The following PRPF18 variants were observed in gnomAD, a reference collection of about 807,000 sequenced individuals.
The protein encoded by PRPF18 is pre-mRNA-splicing factor 18.
A neutral mutation model predicts 46.5 loss-of-function variants in PRPF18; 38 were observed. The ratio of observed to expected loss-of-function variants is 0.82; its 90% confidence interval spans 0.63 to 1.07. The LOEUF is 1.07. PRPF18 is among the 50% of genes least tolerant of loss of function. PRPF18 has a pLI of 0.00. For synonymous variants in PRPF18, 152 were observed against 146.7 expected, an observed-to-expected ratio of 1.04 and a Z score of -0.26; for missense variants, 263 against 410.0, an observed-to-expected ratio of 0.64 and a Z score of 3.10.
chr10:13,646,968 C>T, the PRPF18 span: 1,062 of 984,208 alleles, frequency 1.1e-3, 7 homozygotes, highest in African/African-American at 0.017. Flanking sequence ...TTTTCCTGCC[C>T]GTACCACTGG....
At chr10:13,597,608 A>G (rs780392234) in intron 2 of PRPF18, 73 bp downstream of exon 2, 42 of 1,601,432 alleles carry the variant, frequency 2.6e-5, no homozygotes, top group Non-Finnish European at 3.4e-5. Flanking sequence ...TTAAATGACA[A>G]TCATTGATCT....
At chr10:13,587,745 G>T (rs918335849) in intron 1 of PRPF18, among the ~76,000 whole-genome samples, 2 of 152,230 alleles carry the variant, frequency 1.3e-5, no homozygotes, top group African/African-American at 4.8e-5. Flanking sequence ...GCCTCGAGCC[G>T]CTTGCTCGGG....
chr10:13,615,270 G>T (rs2080323286), intron 8 of PRPF18, among the ~76,000 whole-genome samples: 1 of 152,172 alleles, frequency 6.6e-6, no homozygotes, highest in Non-Finnish European at 1.5e-5. Context: ...TCACATATCA[G>T]AACTAAGTGC....
At chr10:13,591,575 T>G (rs2079961891) in intron 1 of PRPF18, 1 of 705,564 alleles carries the variant, frequency 1.4e-6, no homozygotes, top group East Asian at 2.6e-5. Flanking sequence ...CACAGCTTTC[T>G]GATCAATCTT....
At chr10:13,632,618 T>C (rs1391423514), downstream of PRPF18, 1 of 152,148 alleles carries the variant, frequency 6.6e-6, no homozygotes, top group East Asian at 1.9e-4. Context: ...CTAAAATTGG[T>C]CAGTGTGGTA....
At chr10:13,611,717 T>A in intron 6 of PRPF18, 34 bp downstream of exon 6, 1 of 1,563,938 alleles carries the variant, frequency 6.4e-7, no homozygotes, top group Non-Finnish European at 8.8e-7. Context: ...GAGGATGCCT[T>A]GGATCCTTAT....
At chr10:13,621,671 T>C (rs2080422348) in intron 9 of PRPF18, among the ~76,000 whole-genome samples, 2 of 152,256 alleles carry the variant, frequency 1.3e-5, no homozygotes, top group South Asian at 2.1e-4. Flanking sequence ...TATGTATAGA[T>C]GAATTGATCT....
chr10:13,619,377 CA>C (rs1357191859), intron 9 of PRPF18, among the ~76,000 whole-genome samples: 1 of 152,164 alleles, frequency 6.6e-6, no homozygotes, highest in Non-Finnish European at 1.5e-5. Context: ...CAAGAAGTTG[CA>C]AAAAATAGTA....
At chr10:13,638,875 A>G in the PRPF18 span, 1 of 118,620 alleles carries the variant, frequency 8.4e-6, no homozygotes, top group Non-Finnish European at 1.9e-5. Context: ...AAAATTAACC[A>G]TCACAGCTGC....
At chr10:13,635,703 A>G (rs888070392), downstream of PRPF18, among the ~76,000 whole-genome samples, 1 of 152,100 alleles carries the variant, frequency 6.6e-6, no homozygotes, top group Admixed American at 6.5e-5. Flanking sequence ...TTCTTTTGTG[A>G]AGTGTCTGTT....
the PRPF18 span, among the ~76,000 whole-genome samples, chr10:13,650,842 CCCT>C: frequency 3.9e-5 from 6 of 152,296 alleles, no homozygotes; most frequent in African/African-American, 1.4e-4. Context: ...TGTCTAAGCC[CCCT>C]CCTCCCACGG....
intron 9 of PRPF18, among the ~76,000 whole-genome samples, chr10:13,619,635 C>G (rs1340311347): frequency 6.6e-6 from 1 of 152,168 alleles, no homozygotes; most frequent in Non-Finnish European, 1.5e-5. Flanking sequence ...CACTTTCCTA[C>G]TCCTTATGTA....
At chr10:13,636,932 G>C in the PRPF18 span, 5 of 152,206 alleles carry the variant, frequency 3.3e-5, no homozygotes, top group Non-Finnish European at 7.3e-5. Flanking sequence ...CCGTTTGCCT[G>C]TGTTTAACAA....
chr10:13,587,424 G>T (rs140139294), intron 1 of PRPF18, among the ~76,000 whole-genome samples: 11 of 152,174 alleles, frequency 7.2e-5, no homozygotes, highest in Non-Finnish European at 1.2e-4. Context: ...GTCTGGGGGC[G>T]GGAACCTGAG....
In PRPF18 at chr10:13,630,485, A is replaced by G. The variant is rs1373426392; in HGVS notation, c.*145A>G. On this transcript the variant is annotated 3_prime_UTR_variant, in exon 10 of 10. Coordinates refer to ENST00000378572, the MANE Select transcript of PRPF18 (RefSeq NM_003675.4). ...CCTGATGTAACTCTTGATTGGTTTT[A>G]AGAACTTTGTTGGCCTTCATTTCAT... 6 of 554,620 alleles carry G rather than the reference A, an allele frequency of 1.1e-5. No individual in the cohort carries two copies. Among genetic ancestry groups the G allele is most frequent in the Non-Finnish European group, 1.5e-5 (5 of 328,032 alleles). 34.4% of individuals were successfully genotyped at this position (554,620 alleles called of 1,614,324 possible). A position where few individuals can be genotyped will look rare whatever the true frequency, so the allele number is the denominator to read the frequency against.
chr10:13,636,996 G>C, the PRPF18 span: 1 of 152,194 alleles, frequency 6.6e-6, no homozygotes, highest in Non-Finnish European at 1.5e-5. Context: ...CTTTGGCTCA[G>C]CTTAGGGGTT....
At chr10:13,610,337 T>G (rs1306877735) in intron 5 of PRPF18, 152 bp downstream of exon 5, 2 of 883,404 alleles carry the variant, frequency 2.3e-6, no homozygotes, top group African/African-American at 3.4e-5. Flanking sequence ...TTACTCCCCT[T>G]TTTCTCATCC....
chr10:13,627,586 T>G (rs2080526821), intron 9 of PRPF18, among the ~76,000 whole-genome samples: 1 of 152,216 alleles, frequency 6.6e-6, no homozygotes, highest in East Asian at 1.9e-4. Context: ...TGTCCTGAGA[T>G]TACACACCTA....
downstream of PRPF18, among the ~76,000 whole-genome samples, chr10:13,632,984 C>T (rs193038824): frequency 2.6e-5 from 4 of 152,274 alleles, no homozygotes; most frequent in African/African-American, 9.6e-5. Context: ...ACTGAGTTCC[C>T]TTCAGAAGTA....
Sources: gnomAD v4.1 joint callset for allele counts (sites outside exome capture counted in the v4.1 genomes callset) on GRCh38, gnomAD v4.1.1 for gene constraint, MANE v1.5 for transcripts, NCBI Gene and HGNC (gene_info 2026-07-23, HGNC 2026-07-21) for gene names.